EMG1: variants seen among roughly 807,000 people sequenced by gnomAD.
The protein encoded by EMG1 is ribosomal RNA small subunit methyltransferase NEP1.
EMG1 carries 24 observed loss-of-function variants against 26.9 expected under a neutral mutation model. The ratio of observed to expected loss-of-function variants is 0.89; its 90% CI spans 0.65 to 1.26. EMG1 has a LOEUF of 1.26. EMG1 is among the 50% of genes most tolerant of loss of function. The probability of loss-of-function intolerance (pLI) is 0.00; values close to 1 mark genes in which losing one functional copy is unlikely to be tolerated. For missense variants in EMG1, 299 were observed against 307.6 expected (o/e 0.97, Z 0.21); for synonymous variants, 140 against 112.6 (o/e 1.24, Z -1.54).
chr12:6,972,361 CTG>C (rs1946341720), intron 1 of EMG1, among the ~76,000 whole-genome samples: 1 of 152,168 alleles, frequency 6.6e-6, no homozygotes, highest in South Asian at 2.1e-4. Flanking sequence ...TTTGTGCTCT[CTG>C]TGACATTACT....
chr12:6,979,639 C>A lies in EMG1; in HGVS notation c.*3830C>A. On this transcript the variant is annotated 3_prime_UTR_variant, in exon 6 of 6. Coordinates refer to ENST00000599672, the MANE Select transcript of EMG1 (RefSeq NM_006331.8). ...GAGCAGAGACTATTCCCTTCACCCT[C>A]TGACCTTCAGTTATGGAGAGGAGTG... 8.3e-7 allele frequency: 1 copy of A among 1,200,392 alleles called. No individual in the cohort carries two copies. The highest frequency in any genetic ancestry group is 1.2e-5 in the South Asian group (1 of 81,398). 74.4% of individuals were successfully genotyped at this position (1,200,392 alleles called of 1,614,324 possible).
At chr12:6,974,735 G>T in intron 3 of EMG1, 42 bp downstream of exon 3, 1 of 1,607,196 alleles carries the variant, frequency 6.2e-7, no homozygotes, top group South Asian at 1.1e-5. Context: ...CTTGTCAGTA[G>T]GGAAGAAGGG....
downstream of EMG1, among the ~76,000 whole-genome samples, chr12:6,983,911 G>C (rs1946497431): frequency 6.6e-6 from 1 of 152,120 alleles, no homozygotes; most frequent in Non-Finnish European, 1.5e-5. Flanking sequence ...GGGAGGCTGA[G>C]GCAAGGGGAT....
chr12:6,983,454 G>A, downstream of EMG1: 4 of 1,608,486 alleles, frequency 2.5e-6, no homozygotes, highest in Non-Finnish European at 3.4e-6. Context: ...AAGCAATTGA[G>A]AGGCCTGTAA....
At chr12:6,996,463 A>C in intron 7 of EMG1, among the ~76,000 whole-genome samples, 1 of 152,064 alleles carries the variant, frequency 6.6e-6, no homozygotes, top group East Asian at 1.9e-4. Context: ...GACATACCAT[A>C]TATCTTACTT....
intron 1 of EMG1, 91 bp downstream of exon 1, chr12:6,971,182 C>CA: frequency 9.2e-7 from 1 of 1,086,022 alleles, no homozygotes; most frequent in Non-Finnish European, 1.4e-6. Context: ...ATGTAGAAAG[C>CA]AGAGAGGGGT....
rs1157193842 is a variant in EMG1 at position 6,976,399 on chromosome 12, G to C, written c.*590G>C. ...CAATGTGCATGGGGGAATCAGAGGG[G>C]AGATGTGAGCCCCTCTGCTCCTCCC... is the stretch of plus-strand genomic sequence containing the variant. On this transcript the variant is annotated 3_prime_UTR_variant, in exon 6 of 6. Transcript: ENST00000599672. 11 of 153,504 alleles carry C rather than the reference G, an allele frequency of 7.2e-5. No individual in the cohort carries two copies. The highest frequency in any genetic ancestry group is 2.7e-4 in the African/African-American group (11 of 41,448). The allele number at this position is 153,504 out of a possible 1,614,324, so 9.5% of individuals were successfully genotyped here. A position where few individuals can be genotyped will look rare whatever the true frequency, so the allele number is the denominator to read the frequency against.
intron 7 of EMG1, chr12:6,997,098 T>C (rs141218201): frequency 3.3e-5 from 5 of 152,358 alleles, no homozygotes; most frequent in African/African-American, 1.2e-4. Flanking sequence ...CTTCAGGTCT[T>C]CAAACCTTTT....
At position 6,974,536 on chromosome 12, in the gene EMG1, T is replaced by C. The variant is rs782536404; in HGVS notation, c.271-16T>C. ...CTCTTCAGCCTTAACCATGTCTCGG[T>C]TTCTGCTTTGCTCAGAGTTTGCTGA... is the stretch of plus-strand genomic sequence containing the variant. On this transcript the variant is annotated splice_polypyrimidine_tract_variant and intron_variant, in intron 2 of 5. Coordinates refer to ENST00000599672, the MANE Select transcript of EMG1 (RefSeq NM_006331.8). 6 of 1,612,534 alleles carry C rather than the reference T, an allele frequency of 3.7e-6. No individual in the cohort carries two copies. Among genetic ancestry groups the C allele is most frequent in the Non-Finnish European group, 5.1e-6 (6 of 1,178,626 alleles).
intron 1 of EMG1, among the ~76,000 whole-genome samples, chr12:6,972,672 T>TGTCA (rs1946347164): frequency 6.6e-6 from 1 of 152,226 alleles, no homozygotes; most frequent in Non-Finnish European, 1.5e-5. Flanking sequence ...GGATAGTGTC[T>TGTCA]GTCAGTCATT....
At chr12:6,983,640 A>AG (rs1946493763), downstream of EMG1, 1 of 717,302 alleles carries the variant, frequency 1.4e-6, no homozygotes, top group African/African-American at 1.8e-5. Flanking sequence ...AGAGGGAGAG[A>AG]GAAAAAAAAA....
In EMG1 at chr12:6,974,565, T is replaced by C. The variant is rs782580920; in HGVS notation, c.284T>C (p.Leu95Pro). The C allele has an allele frequency of 6.2e-7, 1 of 1,613,816 alleles. No individual in the cohort carries two copies. The highest frequency in any genetic ancestry group is 8.5e-7 in the Non-Finnish European group (1 of 1,179,708). Residue 95 changes from leucine to proline, a missense_variant, in exon 3 of 6, where the codon CTG (leucine) becomes CCG (proline). Leu to Pro is a moderately conservative substitution (Grantham distance 98). Transcript: ENST00000599672. ...PDITHQSLLM[L>P]MDSPLNRAGL... ...TGCTTTGCTCAGAGTTTGCTGATGCTGATGGATAGTCCCCTGAACCGAGCT... is the reference window on the plus strand; with the variant it reads ...TGCTTTGCTCAGAGTTTGCTGATGCCGATGGATAGTCCCCTGAACCGAGCT...
chr12:6,981,044 G>A, downstream of EMG1: 1 of 1,610,604 alleles, frequency 6.2e-7, no homozygotes, highest in Non-Finnish European at 8.5e-7. Flanking sequence ...AGCTCTCCCT[G>A]CACCAGCTTC....
rs1302307239 is a variant in EMG1, at chr12:6,978,874, A to G, written c.*3065A>G. The stretch of plus-strand genomic sequence containing the variant: ...AGAGAGGAATAAGCAGAGGGCCTGG[A>G]GAATATTCATTCGCCTTTCCCTTGG... On this transcript the variant is annotated 3_prime_UTR_variant, in exon 6 of 6. Transcript: ENST00000599672. The G allele has an allele frequency of 1.2e-5, 9 of 755,140 alleles. No homozygotes were observed. Among genetic ancestry groups the G allele is most frequent in the Non-Finnish European group, 1.9e-5 (9 of 482,586 alleles). The allele number at this position is 755,140 out of a possible 1,614,324, so 46.8% of individuals were successfully genotyped here.
chr12:6,971,929 C>T (rs1555152344), intron 1 of EMG1, among the ~76,000 whole-genome samples: 1 of 152,226 alleles, frequency 6.6e-6, no homozygotes, highest in Non-Finnish European at 1.5e-5. Flanking sequence ...ATAGAACCAG[C>T]AGTTCTCTAT....
downstream of EMG1, chr12:6,981,555 A>C: frequency 6.2e-7 from 1 of 1,606,980 alleles, no homozygotes; most frequent in Non-Finnish European, 8.5e-7. Flanking sequence ...CTTCCCTTTC[A>C]TTAAGTCTTG....
downstream of EMG1, chr12:6,980,042 T>TA (rs1555153875): frequency 5.9e-5 from 9 of 152,214 alleles, no homozygotes; most frequent in Admixed American, 5.9e-4. Context: ...TTTTTTTTTT[T>TA]ACCATTTTAA....
downstream of EMG1, among the ~76,000 whole-genome samples, chr12:6,992,834 C>T (rs1245246361): frequency 1.3e-5 from 2 of 152,206 alleles, no homozygotes; most frequent in South Asian, 4.1e-4. Context: ...CACAGATGCT[C>T]AAGTCCCTTA....
downstream of EMG1, among the ~76,000 whole-genome samples, chr12:6,988,833 T>C (rs782818371): frequency 6.6e-6 from 1 of 152,252 alleles, no homozygotes; most frequent in South Asian, 2.1e-4. Flanking sequence ...CAGAGGTTTG[T>C]AAGAACTTGT....
Sources: gnomAD v4.1 joint callset for allele counts (sites outside exome capture counted in the v4.1 genomes callset) on GRCh38, gnomAD v4.1.1 for gene constraint, MANE v1.5 for transcripts, NCBI Gene and HGNC (gene_info 2026-07-23, HGNC 2026-07-21) for gene names.